Variants in PHLDB2 observed in about 807,000 individuals in gnomAD.
The protein encoded by PHLDB2 is pleckstrin homology like domain family B member 2, also known as pleckstrin homology-like domain family B member 2.
PHLDB2 carries 71 observed loss-of-function variants against 123.6 expected under a neutral mutation model. That is an observed-to-expected ratio of 0.57 (90% CI 0.47 to 0.70). PHLDB2 has a LOEUF of 0.70. PHLDB2 is among the 30% of genes least tolerant of loss of function. The probability of loss-of-function intolerance (pLI) is 0.00; values close to 1 mark genes in which losing one functional copy is unlikely to be tolerated. For synonymous variants in PHLDB2, 547 were observed against 541.6 expected, an observed-to-expected ratio of 1.01 and a Z score of -0.14; for missense variants, 1,446 against 1,519.5, an observed-to-expected ratio of 0.95 and a Z score of 0.80.
intron 1 of PHLDB2, among the ~76,000 whole-genome samples, chr3:111,796,966 G>T (rs911175047): frequency 1.1e-4 from 16 of 152,172 alleles, no homozygotes; most frequent in African/African-American, 3.9e-4. Context: ...TTATTGACAT[G>T]ACTGGTTTTG....
intron 16 of PHLDB2, among the ~76,000 whole-genome samples, chr3:111,970,659 A>T (rs574785879): frequency 6.6e-6 from 1 of 152,258 alleles, no homozygotes; most frequent in South Asian, 2.1e-4. Context: ...CTTATTAAGA[A>T]CCTCTTATTT....
At chr3:111,926,989 A>G (rs1055084189) in intron 5 of PHLDB2, among the ~76,000 whole-genome samples, 2 of 152,184 alleles carry the variant, frequency 1.3e-5, no homozygotes, top group Non-Finnish European at 2.9e-5. Flanking sequence ...TCATGGACGT[A>G]TGCATATGTC....
chr3:111,965,422 A>T (rs575645642), intron 13 of PHLDB2, among the ~76,000 whole-genome samples: 47 of 152,276 alleles, frequency 3.1e-4, no homozygotes, highest in Admixed American at 2.6e-3. Context: ...CTTCAACAGA[A>T]CTCTTAGCCC....
In PHLDB2 at chr3:111,913,438, G is replaced by A. The variant is rs78522369; in HGVS notation, c.1455G>A (p.Lys485=). The change falls in exon 3 of 18, where the codon AAG becomes AAA. Residue 485 remains lysine (K), a synonymous_variant. Transcript: ENST00000431670. The part of the protein sequence containing the change: ...DVQKINKELE[K]LQLSDEESVF... ...AGAAAATCAACAAGGAGCTTGAGAA[G>A]CTGCAGCTCTCTGATGAGGAGTCTG... 1,753 of 1,614,154 alleles carry A rather than the reference G, an allele frequency of 1.1e-3. 23 individuals carry two copies. In the African/African-American group the frequency reaches 0.021, roughly 20 times the overall value.
intron 1 of PHLDB2, among the ~76,000 whole-genome samples, chr3:111,781,723 T>G (rs1358654522): frequency 6.6e-6 from 1 of 152,194 alleles, no homozygotes; most frequent in Middle Eastern, 3.2e-3. Flanking sequence ...CCTTCTGCTA[T>G]GCAGATGCAT....
intron 2 of PHLDB2, among the ~76,000 whole-genome samples, chr3:111,851,194 TA>T (rs11309576): frequency 0.61 from 62,768 of 103,516 alleles, 19,226 homozygotes; most frequent in Middle Eastern, 0.81. Flanking sequence ...GATTCTGTCT[TA>T]AAAAAAAAAA....
chr3:111,938,542 C>T (rs1279311009), intron 6 of PHLDB2, among the ~76,000 whole-genome samples: 3 of 152,028 alleles, frequency 2.0e-5, no homozygotes, highest in Admixed American at 2.0e-4. Flanking sequence ...TACTATGCTA[C>T]TTGTGTATAC....
chr3:111,965,206 A>G (rs1169333431), intron 13 of PHLDB2, among the ~76,000 whole-genome samples: 1 of 152,248 alleles, frequency 6.6e-6, no homozygotes, highest in Non-Finnish European at 1.5e-5. Context: ...TAATGGAAAT[A>G]ATGAGAAGAT....
At chr3:111,953,903 T>G (rs774248315) in intron 11 of PHLDB2, 27 bp from the exon 12 acceptor site, 1 of 1,590,828 alleles carries the variant, frequency 6.3e-7, no homozygotes, top group Non-Finnish European at 8.6e-7. Flanking sequence ...GCAGCTTGCC[T>G]GAAGTACTCC....
intron 12 of PHLDB2, chr3:111,960,239 AT>A (rs2107659051): frequency 2.1e-6 from 1 of 480,918 alleles, no homozygotes; most frequent in South Asian, 9.0e-5. Context: ...AGCTTCACGC[AT>A]GTGACTATAC....
intron 1 of PHLDB2, among the ~76,000 whole-genome samples, chr3:111,760,315 G>A (rs2059970783): frequency 6.6e-6 from 1 of 152,168 alleles, no homozygotes; most frequent in Admixed American, 6.5e-5. Context: ...TGGACTGTAA[G>A]ATGGAATCCA....
chr3:111,737,206 A>T (rs1454318921), intron 1 of PHLDB2, among the ~76,000 whole-genome samples: 1 of 152,226 alleles, frequency 6.6e-6, no homozygotes, highest in African/African-American at 2.4e-5. Context: ...TCAGCTATGC[A>T]TCTGGAGGAG....
intron 2 of PHLDB2, among the ~76,000 whole-genome samples, chr3:111,888,344 A>T (rs1018007230): frequency 5.3e-5 from 8 of 151,880 alleles, no homozygotes; most frequent in African/African-American, 1.9e-4. Context: ...TAGTTCAGGA[A>T]TAGATATCTT....
intron 1 of PHLDB2, among the ~76,000 whole-genome samples, chr3:111,771,622 G>GA (rs1317948119): frequency 3.7e-4 from 57 of 152,204 alleles, no homozygotes; most frequent in Middle Eastern, 3.4e-3. Context: ...ATACAGGCAT[G>GA]AGCCACTGCA....
chr3:111,751,237 G>A (rs913951158), intron 1 of PHLDB2, among the ~76,000 whole-genome samples: 2 of 151,616 alleles, frequency 1.3e-5, no homozygotes, highest in Admixed American at 1.3e-4. Flanking sequence ...AGGGAGTCCA[G>A]CAGGGAGGAA....
At chr3:111,736,452 C>T (rs1253703785) in intron 1 of PHLDB2, among the ~76,000 whole-genome samples, 1 of 152,134 alleles carries the variant, frequency 6.6e-6, no homozygotes, top group Non-Finnish European at 1.5e-5. Context: ...AGATGATATC[C>T]TTTCAGATAA....
At chr3:111,856,919 T>C (rs113821783), upstream of PHLDB2, among the ~76,000 whole-genome samples, 56 of 152,272 alleles carry the variant, frequency 3.7e-4, no homozygotes, top group Non-Finnish European at 7.8e-4. Flanking sequence ...AAAAAGTAAA[T>C]TTAAGTAGTA....
At chr3:111,804,451 G>A (rs2061494446) in intron 1 of PHLDB2, among the ~76,000 whole-genome samples, 1 of 152,194 alleles carries the variant, frequency 6.6e-6, no homozygotes, top group Non-Finnish European at 1.5e-5. Context: ...AGGTCAACCT[G>A]TTAGAAATAA....
chr3:111,764,448 G>A (rs1275409522), intron 1 of PHLDB2, among the ~76,000 whole-genome samples: 1 of 152,096 alleles, frequency 6.6e-6, no homozygotes, highest in Non-Finnish European at 1.5e-5. Context: ...TGTTAAACAT[G>A]GATTGTTGTT....
Sources: gnomAD v4.1 joint callset for allele counts (sites outside exome capture counted in the v4.1 genomes callset) on GRCh38, gnomAD v4.1.1 for gene constraint, MANE v1.5 for transcripts, NCBI Gene and HGNC (gene_info 2026-07-23, HGNC 2026-07-21) for gene names.